IPO11: variants seen among roughly 807,000 people sequenced by gnomAD.
IPO11 encodes importin 11, also known as importin-11.
In IPO11, 66 loss-of-function variants were observed where a neutral mutation model predicts 143.2. That is an observed-to-expected ratio of 0.46 (90% confidence interval 0.38 to 0.57). IPO11 has a LOEUF of 0.57. Ranked by LOEUF, IPO11 falls within the 20% of genes least tolerant of loss-of-function variation. The probability of loss-of-function intolerance (pLI) is 0.00; values close to 1 mark genes in which losing one functional copy is unlikely to be tolerated. For synonymous variants in IPO11, 385 were observed against 377.8 expected (o/e 1.02, Z -0.22); for missense variants, 1,026 against 1,141.0 (o/e 0.90, Z 1.45).
At chr5:62,571,550 A>T (rs1561367807) in intron 27 of IPO11, among the ~76,000 whole-genome samples, 1 of 152,224 alleles carries the variant, frequency 6.6e-6, no homozygotes, top group Non-Finnish European at 1.5e-5. Context: ...GAAAGAGTTT[A>T]TGTGTGAAGA....
At chr5:62,435,182 A>G (rs71592699) in intron 1 of IPO11, among the ~76,000 whole-genome samples, 7,740 of 100,868 alleles carry the variant, frequency 0.077, 795 homozygotes, top group South Asian at 0.14. Flanking sequence ...GTATATATGT[A>G]TATATATGTA....
chr5:62,585,455 G>A (rs1023141696), intron 27 of IPO11, among the ~76,000 whole-genome samples: 2 of 152,128 alleles, frequency 1.3e-5, no homozygotes, highest in Admixed American at 6.6e-5. Flanking sequence ...GTGAAAGCCC[G>A]GAAACTAGAA....
At chr5:62,452,370 A>G (rs886311911) in intron 5 of IPO11, among the ~76,000 whole-genome samples, 2 of 151,374 alleles carry the variant, frequency 1.3e-5, no homozygotes, top group African/African-American at 2.5e-5. Flanking sequence ...GGGCAGTGAT[A>G]TGAATAAAAA....
In IPO11 at chr5:62,504,671, G is replaced by A. The variant is rs1741483405; in HGVS notation, c.1595G>A (p.Arg532His). The A allele has an allele frequency of 1.4e-6, 2 of 1,467,020 alleles. No homozygotes were observed. Among genetic ancestry groups the A allele is most frequent in the Non-Finnish European group, 9.4e-7 (1 of 1,069,516 alleles). The allele number at this position is 1,467,020 out of a possible 1,614,324, so 90.9% of individuals were successfully genotyped here. A position where few individuals can be genotyped will look rare whatever the true frequency, so the allele number is the denominator to read the frequency against. ...TAATGATATACTTTCTTTTAGGTCC[G>A]TATTGAAACAGCTACAACTTTGAAG... Reference protein sequence around the residue: ...NLLQDQDLVVRIETATTLKLT... With the variant: ...NLLQDQDLVVHIETATTLKLT... Residue 532 changes from arginine (R) to histidine (H), a missense_variant, in exon 17 of 30, where the codon CGT (arginine) becomes CAT (histidine). By Grantham distance (29) the Arg-to-His change is conservative. Around this residue, in one of 5 missense-constraint regions of IPO11, gnomAD observed 237 missense variants for 288.0 expected, o/e 0.82. Coordinates refer to ENST00000325324, the MANE Select transcript of IPO11 (RefSeq NM_016338.5).
chr5:62,566,264 A>G (rs1216418082), intron 27 of IPO11, among the ~76,000 whole-genome samples: 2 of 152,100 alleles, frequency 1.3e-5, no homozygotes, highest in Non-Finnish European at 2.9e-5. Flanking sequence ...AAGCATTCCT[A>G]TTTATCCTCA....
At chr5:62,417,692 G>A (rs1310628048) in intron 1 of IPO11, among the ~76,000 whole-genome samples, 1 of 152,094 alleles carries the variant, frequency 6.6e-6, no homozygotes, top group Non-Finnish European at 1.5e-5. Flanking sequence ...CTTCATGAAT[G>A]GTCTCATTTG....
At chr5:62,504,826 T>C (rs111957150) in intron 17 of IPO11, 32 bp from the exon 18 acceptor site, 14 of 1,460,048 alleles carry the variant, frequency 9.6e-6, no homozygotes, top group Admixed American at 4.1e-5. Flanking sequence ...ATAAAACTTA[T>C]ATATTCTCAG....
chr5:62,483,450 T>A, intron 10 of IPO11, 157 bp downstream of exon 10: 1 of 531,468 alleles, frequency 1.9e-6, no homozygotes, highest in Non-Finnish European at 3.2e-6. Flanking sequence ...TTTAGTATGT[T>A]TATACTAGCT....
At chr5:62,528,816 G>A (rs1742450440) in intron 21 of IPO11, among the ~76,000 whole-genome samples, 1 of 152,096 alleles carries the variant, frequency 6.6e-6, no homozygotes. Flanking sequence ...CTTAGAGAAT[G>A]GGAATTTGAA....
chr5:62,520,352 A>G (rs763483252), intron 20 of IPO11, among the ~76,000 whole-genome samples: 9 of 151,508 alleles, frequency 5.9e-5, no homozygotes, highest in Non-Finnish European at 1.3e-4. Flanking sequence ...TGTTACTTTC[A>G]TCATCTTGAA....
At chr5:62,427,742 T>G (rs1743810818) in intron 1 of IPO11, among the ~76,000 whole-genome samples, 1 of 152,174 alleles carries the variant, frequency 6.6e-6, no homozygotes, top group Non-Finnish European at 1.5e-5. Flanking sequence ...CCCCTGCCCT[T>G]TACCCCTCTT....
chr5:62,479,853 A>G (rs1000839177), intron 9 of IPO11, among the ~76,000 whole-genome samples: 8 of 152,210 alleles, frequency 5.3e-5, no homozygotes, highest in African/African-American at 1.7e-4. Context: ...TTGTCAGATG[A>G]GTAGATTGCA....
At chr5:62,461,798 A>G (rs1745367570) in intron 5 of IPO11, among the ~76,000 whole-genome samples, 1 of 152,186 alleles carries the variant, frequency 6.6e-6, no homozygotes, top group African/African-American at 2.4e-5. Flanking sequence ...TCTTATCTGC[A>G]ATGCTTGGGA....
In IPO11 at chr5:62,416,150, C is replaced by T. The variant is rs555824629; in HGVS notation, c.-7+3221C>T. ...CATCCTGTGTGTACATGCACCTCTG[C>T]TGTATCTTTCTGTTTTCTTTTTTTT... On this transcript the variant is annotated intron_variant, in intron 1 of 29. Transcript: ENST00000325324. Among the ~76,000 whole-genome samples the T allele has an allele frequency of 7.5e-5, 11 of 146,682 alleles. No homozygotes were observed. The East Asian group carries it at 1.6e-3, about 22-fold the overall frequency.
intron 5 of IPO11, among the ~76,000 whole-genome samples, chr5:62,466,512 T>C (rs1196872828): frequency 1.3e-5 from 2 of 152,198 alleles, no homozygotes; most frequent in African/African-American, 4.8e-5. Context: ...GCTGGATTGC[T>C]CCGAGAACTC....
chr5:62,495,613 T>G (rs983250555), intron 16 of IPO11, among the ~76,000 whole-genome samples: 1 of 152,150 alleles, frequency 6.6e-6, no homozygotes, highest in Admixed American at 6.5e-5. Context: ...TATCTGGGAC[T>G]ATATGCACCA....
chr5:62,416,012 C>T (rs546851384), intron 1 of IPO11, among the ~76,000 whole-genome samples: 2 of 152,048 alleles, frequency 1.3e-5, no homozygotes, highest in African/African-American at 4.8e-5. Context: ...TTTTTTTTCT[C>T]ACAGTTCTGG....
intron 1 of IPO11, among the ~76,000 whole-genome samples, chr5:62,428,367 G>A (rs185067927): frequency 2.0e-5 from 3 of 151,620 alleles, no homozygotes; most frequent in South Asian, 2.1e-4. Flanking sequence ...TTTTTGAGGC[G>A]GAGTCTCACT....
At chr5:62,500,896 A>G (rs963517798) in intron 16 of IPO11, among the ~76,000 whole-genome samples, 2 of 152,236 alleles carry the variant, frequency 1.3e-5, no homozygotes, top group Non-Finnish European at 2.9e-5. Flanking sequence ...TTTGACAGCC[A>G]TGACATCACT....
Sources: allele counts gnomAD v4.1 joint callset (sites outside exome capture counted in the v4.1 genomes callset), GRCh38; gene constraint gnomAD v4.1.1; regional missense constraint gnomAD v4.1.1; transcripts MANE v1.5; gene names NCBI Gene and HGNC (gene_info 2026-07-23, HGNC 2026-07-21).